Variants in GPATCH8 observed in about 807,000 individuals in gnomAD.
GPATCH8 encodes G-patch domain containing 8, also known as G patch domain-containing protein 8.
Under a neutral mutation model 118.3 loss-of-function variants are expected in GPATCH8, and 18 were observed. That is an observed-to-expected ratio of 0.15 (90% CI 0.11 to 0.23). The LOEUF (loss-of-function observed/expected upper bound fraction) is 0.23. Among genes scored for constraint, GPATCH8 ranks in the 10% least tolerant of loss-of-function variants. GPATCH8 has a pLI of 1.00. For synonymous variants in GPATCH8, 659 were observed against 684.7 expected, an observed-to-expected ratio of 0.96 and a Z score of 0.59; for missense variants, 1,631 against 1,873.8, an observed-to-expected ratio of 0.87 and a Z score of 2.39.
chr17:44,468,914 G>A (rs1967045331), intron 2 of GPATCH8, among the ~76,000 whole-genome samples: 1 of 152,108 alleles, frequency 6.6e-6, no homozygotes, highest in Non-Finnish European at 1.5e-5. Flanking sequence ...ACATAATTCA[G>A]AGTTCTCACA....
chr17:44,474,666 G>A, intron 2 of GPATCH8, 163 bp downstream of exon 2: 1 of 695,128 alleles, frequency 1.4e-6, no homozygotes, highest in East Asian at 2.7e-5. Context: ...TTAAATATTA[G>A]ATTACATCCC....
intron 6 of GPATCH8, among the ~76,000 whole-genome samples, chr17:44,421,698 G>T (rs374115024): frequency 4.7e-5 from 7 of 147,478 alleles, no homozygotes; most frequent in African/African-American, 1.5e-4. Context: ...TGAAGTCATC[G>T]ACTAGTGTGT....
intron 7 of GPATCH8, among the ~76,000 whole-genome samples, chr17:44,403,482 G>GT (rs2049103807): frequency 6.6e-6 from 1 of 152,184 alleles, no homozygotes; most frequent in Admixed American, 6.5e-5. Flanking sequence ...GTGTCACAAA[G>GT]TGCTGGGATT....
intron 1 of GPATCH8, chr17:44,486,478 TAAA>T (rs557351496): frequency 1.3e-5 from 2 of 152,148 alleles, no homozygotes; most frequent in African/African-American, 4.8e-5. Flanking sequence ...AGGGAGAACT[TAAA>T]AAAAATTTTT....
At chr17:44,416,097 G>C (rs866169700) in intron 6 of GPATCH8, among the ~76,000 whole-genome samples, 148 of 152,288 alleles carry the variant, frequency 9.7e-4, no homozygotes, top group Middle Eastern at 3.4e-3. Context: ...CTGTCTTCTG[G>C]GTTCAAGCGA....
intron 3 of GPATCH8, among the ~76,000 whole-genome samples, chr17:44,460,700 C>T (rs2051511722): frequency 6.6e-6 from 1 of 152,182 alleles, no homozygotes; most frequent in Admixed American, 6.5e-5. Flanking sequence ...GGAAAGTTGA[C>T]AATGAACTAG....
At chr17:44,491,632 G>A (rs1969252634) in intron 1 of GPATCH8, among the ~76,000 whole-genome samples, 1 of 151,920 alleles carries the variant, frequency 6.6e-6, no homozygotes, top group African/African-American at 2.4e-5. Flanking sequence ...AAGATCACTA[G>A]AGGCAAGGAG....
chr17:44,483,178 T>A (rs921155614), intron 1 of GPATCH8, among the ~76,000 whole-genome samples: 936 of 8,992 alleles, frequency 0.1, 81 homozygotes, highest in Non-Finnish European at 0.12. Context: ...AAAAAAAAAA[T>A]ATATATATAT....
At chr17:44,404,870 T>C (rs1200094789) in intron 7 of GPATCH8, among the ~76,000 whole-genome samples, 1 of 151,804 alleles carries the variant, frequency 6.6e-6, no homozygotes, top group Non-Finnish European at 1.5e-5. Context: ...AAAAAAAAGT[T>C]GATCTCATAG....
intron 2 of GPATCH8, among the ~76,000 whole-genome samples, chr17:44,474,207 A>C (rs1156268490): frequency 6.6e-6 from 1 of 152,198 alleles, no homozygotes; most frequent in East Asian, 1.9e-4. Context: ...AAAATTAAGA[A>C]GTTTTTTTAA....
At chr17:44,410,199 C>T (rs1027602406) in intron 6 of GPATCH8, among the ~76,000 whole-genome samples, 6 of 152,204 alleles carry the variant, frequency 3.9e-5, no homozygotes, top group African/African-American at 4.8e-5. Context: ...AGGCTACCAA[C>T]GTCTGGCTCA....
intron 3 of GPATCH8, among the ~76,000 whole-genome samples, chr17:44,441,789 G>A (rs1029325701): frequency 6.6e-6 from 1 of 151,614 alleles, no homozygotes; most frequent in African/African-American, 2.4e-5. Context: ...AGCAATTTGG[G>A]AGGCCGAGGC....
chr17:44,474,912 AGAT>A lies in GPATCH8; in HGVS notation c.46-12_46-10del, dbSNP rs774863664. ...TGATCAAAGTGATTACCCTGAAAAA[AGAT>A]GATTACAGTTATTTTTCAAAAGCAG... is the stretch of plus-strand genomic sequence containing the variant. On this transcript the variant is annotated splice_polypyrimidine_tract_variant and intron_variant, in intron 1 of 7. Coordinates refer to ENST00000591680, the MANE Select transcript of GPATCH8 (RefSeq NM_001002909.4). 4 of 1,369,322 alleles carry A rather than the reference AGAT, an allele frequency of 2.9e-6. No homozygotes were observed. Among genetic ancestry groups the A allele is most frequent in the Middle Eastern group, 1.8e-4 (1 of 5,574 alleles). The allele number at this position is 1,369,322 out of a possible 1,614,324, so 84.8% of individuals were successfully genotyped here.
chr17:44,405,645 C>T (rs1236205063), intron 7 of GPATCH8, among the ~76,000 whole-genome samples: 1 of 151,106 alleles, frequency 6.6e-6, no homozygotes, highest in Non-Finnish European at 1.5e-5. Flanking sequence ...GCTGGGACTA[C>T]AGGCGCTCGC....
chr17:44,478,362 G>A (rs1309039395), intron 1 of GPATCH8, among the ~76,000 whole-genome samples: 1 of 152,088 alleles, frequency 6.6e-6, no homozygotes. Context: ...TAATGATACA[G>A]GAATAAACCA....
At chr17:44,452,154 T>G (rs755067569) in intron 3 of GPATCH8, among the ~76,000 whole-genome samples, 10 of 151,452 alleles carry the variant, frequency 6.6e-5, no homozygotes, top group Non-Finnish European at 1.0e-4. Flanking sequence ...GCACCTATAA[T>G]CTCAGCTAGT....
At position 44,464,495 on chromosome 17, in the gene GPATCH8, T is replaced by C. The variant is rs1198329289; in HGVS notation, c.170A>G (p.Gln57Arg). The change falls in exon 3 of 8, where the codon CAG (glutamine) becomes CGG (arginine). Residue 57 changes from glutamine (Q) to arginine (R), a missense_variant. Around this residue, in one of 8 missense-constraint regions of GPATCH8, gnomAD observed 81 missense variants for 227.6 expected, o/e 0.36. Transcript: ENST00000591680. ...LLQKHGWKLG[Q>R]GLGKSLQGRT... Reference sequence around the variant, plus strand: ...ACCCTGAAGAGATTTTCCCAATCCCTGGCCCAGCTTCCACCCATGTTTCTG... The same window carrying C: ...ACCCTGAAGAGATTTTCCCAATCCCCGGCCCAGCTTCCACCCATGTTTCTG... 6.2e-7 allele frequency: 1 copy of C among 1,603,580 alleles called. No homozygotes were observed. The highest frequency in any genetic ancestry group is 8.5e-7 in the Non-Finnish European group (1 of 1,171,240).
chr17:44,421,270 G>C (rs953880503), intron 6 of GPATCH8, among the ~76,000 whole-genome samples: 3 of 152,010 alleles, frequency 2.0e-5, no homozygotes, highest in Admixed American at 2.0e-4. Context: ...GAACCCAGGA[G>C]GCGGAGGTTG....
intron 1 of GPATCH8, among the ~76,000 whole-genome samples, chr17:44,496,089 G>C (rs149894986): frequency 6.6e-6 from 1 of 152,052 alleles, no homozygotes; most frequent in African/African-American, 2.4e-5. Context: ...GGCTGGTCTC[G>C]AACTCCTGAC....
Sources: gnomAD v4.1 joint callset for allele counts (sites outside exome capture counted in the v4.1 genomes callset) on GRCh38, gnomAD v4.1.1 for gene constraint, gnomAD v4.1.1 regional missense constraint, MANE v1.5 for transcripts, NCBI Gene and HGNC (gene_info 2026-07-23, HGNC 2026-07-21) for gene names.